The following SLC41A3 variants were observed in gnomAD, a reference collection of about 807,000 sequenced individuals.
The protein encoded by SLC41A3 is solute carrier family 41 member 3.
In SLC41A3, 44 loss-of-function variants were observed where a neutral mutation model predicts 45.4. The observed-to-expected ratio is 0.97, with a 90% CI of 0.76 to 1.25. The LOEUF is 1.25. Ranked by LOEUF, SLC41A3 falls within the 50% of genes most tolerant of loss-of-function variation. The pLI is 0.00. For missense variants in SLC41A3, 550 were observed against 600.6 expected (o/e 0.92, Z 0.88); for synonymous variants, 256 against 252.4 (o/e 1.01, Z -0.13).
At chr3:126,093,616 A>G (rs1945536855) in intron 1 of SLC41A3, among the ~76,000 whole-genome samples, 1 of 152,272 alleles carries the variant, frequency 6.6e-6, no homozygotes, top group South Asian at 2.1e-4. Context: ...TAAAAGGGGT[A>G]CAAATACAAA....
chr3:126,094,353 A>T (rs533995187), intron 1 of SLC41A3, among the ~76,000 whole-genome samples: 2 of 152,380 alleles, frequency 1.3e-5, no homozygotes, highest in East Asian at 3.9e-4. Context: ...CAATTTGGAT[A>T]GAACAATGGC....
intron 6 of SLC41A3, among the ~76,000 whole-genome samples, chr3:126,017,425 G>A (rs1399001323): frequency 1.3e-5 from 2 of 152,216 alleles, no homozygotes; most frequent in African/African-American, 4.8e-5. Flanking sequence ...GCAACCAAGG[G>A]TCACCAGCCG....
chr3:126,063,652 C>T (rs1447882421), intron 2 of SLC41A3, among the ~76,000 whole-genome samples: 1 of 152,210 alleles, frequency 6.6e-6, no homozygotes, highest in African/African-American at 2.4e-5. Context: ...AACAGGGTAA[C>T]AAATGCCTAC....
chr3:126,094,337 A>C (rs1945551554), intron 1 of SLC41A3, among the ~76,000 whole-genome samples: 1 of 152,248 alleles, frequency 6.6e-6, no homozygotes, highest in Non-Finnish European at 1.5e-5. Context: ...TGGTTAACAG[A>C]TAAGCCAATT....
At chr3:126,043,918 G>A (rs958452388) in intron 3 of SLC41A3, among the ~76,000 whole-genome samples, 5 of 151,406 alleles carry the variant, frequency 3.3e-5, no homozygotes, top group Admixed American at 6.6e-5. Flanking sequence ...AAATTGCAAC[G>A]GTAAGTCCTT....
chr3:126,034,719 T>C (rs962454791), intron 3 of SLC41A3, among the ~76,000 whole-genome samples: 7 of 152,272 alleles, frequency 4.6e-5, no homozygotes, highest in Non-Finnish European at 7.3e-5. Context: ...GTGTGTTCAC[T>C]GAGACCTAAG....
intron 1 of SLC41A3, among the ~76,000 whole-genome samples, chr3:126,092,363 TATTTCGGCCCATCCCTTC>T (rs1486555650): frequency 6.6e-6 from 1 of 151,988 alleles, no homozygotes; most frequent in African/African-American, 2.4e-5. Flanking sequence ...CCTACCCCTT[TATTTCGGCCCATCCCTTC>T]ATTTCCCATA....
intron 1 of SLC41A3, among the ~76,000 whole-genome samples, chr3:126,091,591 G>A (rs2108130823): frequency 6.6e-6 from 1 of 152,250 alleles, no homozygotes; most frequent in East Asian, 1.9e-4. Flanking sequence ...TGCAGATGAA[G>A]CCTCCAGGTA....
intron 1 of SLC41A3, among the ~76,000 whole-genome samples, chr3:126,093,403 G>C (rs1945528842): frequency 6.6e-6 from 1 of 152,214 alleles, no homozygotes; most frequent in African/African-American, 2.4e-5. Flanking sequence ...TTCCAAACCA[G>C]GGCATTTCCA....
chr3:126,053,363 C>T (rs1943462361), intron 2 of SLC41A3, among the ~76,000 whole-genome samples: 1 of 152,214 alleles, frequency 6.6e-6, no homozygotes, highest in African/African-American at 2.4e-5. Flanking sequence ...TCATCTCAGA[C>T]TTCCAGCCTC....
Position 126,006,388 on chromosome 3 carries a change from C to T in SLC41A3, c.*628G>A. On this transcript the variant is annotated 3_prime_UTR_variant, in exon 11 of 11. Transcript: ENST00000360370. ...ACAATATAATCTGTTTTATTTTACA[C>T]TTCTCTGATTATTGAAATCTAAATA... 2 of 1,602,934 alleles carry T rather than the reference C, an allele frequency of 1.2e-6. No individual in the cohort carries two copies. Among genetic ancestry groups the T allele is most frequent in the Non-Finnish European group, 1.7e-6 (2 of 1,173,980 alleles).
intron 3 of SLC41A3, among the ~76,000 whole-genome samples, chr3:126,044,752 C>T (rs543084841): frequency 3.8e-4 from 57 of 151,428 alleles, no homozygotes; most frequent in Admixed American, 1.4e-3. Flanking sequence ...AAAAATTAGC[C>T]GGGCGTAGTG....
chr3:126,019,334 T>G (rs923037346), intron 6 of SLC41A3, among the ~76,000 whole-genome samples: 1 of 152,164 alleles, frequency 6.6e-6, no homozygotes, highest in Non-Finnish European at 1.5e-5. Context: ...CAATCACCTC[T>G]TAAAGGCCCC....
At chr3:126,050,307 C>A (rs1943242097) in intron 3 of SLC41A3, among the ~76,000 whole-genome samples, 1 of 152,180 alleles carries the variant, frequency 6.6e-6, no homozygotes, top group African/African-American at 2.4e-5. Context: ...CCTCTTGCCA[C>A]AGTCTTTGTC....
At position 126,026,542 on chromosome 3, in the gene SLC41A3, T is replaced by C. The variant is rs1941368351; in HGVS notation, c.454-63A>G. On this transcript the variant is annotated intron_variant, in intron 4 of 10. Transcript: ENST00000360370. The surrounding 1 kb of genome is among the most constrained non-coding windows in gnomAD (Gnocchi z 4.2). The stretch of plus-strand genomic sequence containing the variant: ...GGGGCCACAGCCACACTCCCTGCCC[T>C]TCACACCTCACTCACCGCAAGGGGC... The C allele has an allele frequency of 6.4e-7, 1 of 1,561,700 alleles. No individual in the cohort carries two copies. Among genetic ancestry groups the C allele is most frequent in the Non-Finnish European group, 8.7e-7 (1 of 1,150,824 alleles).
At chr3:126,067,101 G>GCC (rs1173427441) in intron 2 of SLC41A3, among the ~76,000 whole-genome samples, 1 of 80,642 alleles carries the variant, frequency 1.2e-5, no homozygotes, top group African/African-American at 6.4e-5. Context: ...CCGCCCCCCC[G>GCC]CCCCCCGCCC....
Position 126,026,096 on chromosome 3 carries a change from A to G in SLC41A3, c.598+239T>C, listed in dbSNP as rs907210689. ...GAGCAGGGACAGGTCTTTACACAGC[A>G]GAGAGCAGAGGCGAGTGGTGGCAGG... On this transcript the variant is annotated intron_variant, in intron 5 of 10. Transcript: ENST00000360370. This position sits in a 1 kb window ranked among gnomAD's most constrained non-coding sequence, Gnocchi z 4.2. Among the ~76,000 whole-genome samples the G allele has an allele frequency of 3.9e-5, 6 of 152,216 alleles. No homozygotes were observed. Among genetic ancestry groups the G allele is most frequent in the African/African-American group, 1.4e-4 (6 of 41,458 alleles).
At chr3:126,019,905 G>C (rs1018701101) in intron 6 of SLC41A3, among the ~76,000 whole-genome samples, 1 of 152,026 alleles carries the variant, frequency 6.6e-6, no homozygotes, top group African/African-American at 2.4e-5. Flanking sequence ...GCATTGTCCT[G>C]GTGGAACTCT....
At chr3:126,050,394 C>G (rs1022537424) in intron 3 of SLC41A3, among the ~76,000 whole-genome samples, 3 of 152,182 alleles carry the variant, frequency 2.0e-5, no homozygotes, top group Non-Finnish European at 4.4e-5. Flanking sequence ...GCTTCAGTCT[C>G]CTGGGATAGC....
Sources: allele counts gnomAD v4.1 joint callset (sites outside exome capture counted in the v4.1 genomes callset), GRCh38; gene constraint gnomAD v4.1.1; non-coding constraint Gnocchi (gnomAD v3.1); transcripts MANE v1.5; gene names NCBI Gene and HGNC (gene_info 2026-07-23, HGNC 2026-07-21).